The following LTBP1 variants were observed in gnomAD, a reference collection of about 807,000 sequenced individuals.
LTBP1 encodes the protein latent-transforming growth factor beta-binding protein 1.
LTBP1 carries 129 observed loss-of-function variants against 207.6 expected under a neutral mutation model. The observed-to-expected ratio is 0.62, with a 90% CI of 0.54 to 0.72. The LOEUF is 0.72. LTBP1 is among the 30% of genes least tolerant of loss of function. LTBP1 has a pLI of 0.00. For missense variants in LTBP1, 2,281 were observed against 2,217.2 expected, an observed-to-expected ratio of 1.03 and a Z score of -0.58; for synonymous variants, 963 against 833.7, an observed-to-expected ratio of 1.16 and a Z score of -2.67.
At chr2:33,096,729 G>T (rs1456990591) in intron 3 of LTBP1, among the ~76,000 whole-genome samples, 2 of 152,202 alleles carry the variant, frequency 1.3e-5, no homozygotes, top group Non-Finnish European at 2.9e-5. Context: ...GGTGATGGGT[G>T]TAGGTAGATC....
chr2:33,378,183 ATATG>A lies in LTBP1; in HGVS notation c.4712-10999_4712-10996del, dbSNP rs1272924173. On this transcript the variant is annotated intron_variant, in intron 31 of 33. Coordinates refer to ENST00000404816, the MANE Select transcript of LTBP1 (RefSeq NM_206943.4). ...GAACATTTTACTTTCATATATATAT[ATATG>A]TGTGTGTGTGTGTGTGTGTGTGTGT... Among the ~76,000 whole-genome samples, 1,259 of 136,380 alleles carry A rather than the reference ATATG, an allele frequency of 9.2e-3. 11 individuals carry two copies. The highest frequency in any genetic ancestry group is 0.03 in the African/African-American group (1,030 of 33,836). The allele number at this position is 136,380 out of a possible 152,430, so 89.5% of individuals were successfully genotyped here. A position where few individuals can be genotyped will look rare whatever the true frequency, so the allele number is the denominator to read the frequency against.
At chr2:33,160,871 T>C (rs1260291227) in intron 5 of LTBP1, among the ~76,000 whole-genome samples, 3 of 152,198 alleles carry the variant, frequency 2.0e-5, no homozygotes. Flanking sequence ...TAATAATTTT[T>C]GTTAGAGGAG....
intron 15 of LTBP1, among the ~76,000 whole-genome samples, chr2:33,269,574 C>T (rs2093269230): frequency 6.6e-6 from 1 of 152,178 alleles, no homozygotes; most frequent in Non-Finnish European, 1.5e-5. Flanking sequence ...ATACCCCTGA[C>T]ACAAGAAATG....
chr2:33,301,961 C>G (rs984928092), intron 22 of LTBP1, among the ~76,000 whole-genome samples: 2 of 152,220 alleles, frequency 1.3e-5, no homozygotes, highest in African/African-American at 4.8e-5. Flanking sequence ...TTATGCAGAA[C>G]CAACTTCTAA....
chr2:33,179,988 T>C (rs1272486993), intron 5 of LTBP1, among the ~76,000 whole-genome samples: 1 of 152,164 alleles, frequency 6.6e-6, no homozygotes, highest in Non-Finnish European at 1.5e-5. Context: ...CCACATCAGC[T>C]CCCTCTCAGT....
intron 5 of LTBP1, among the ~76,000 whole-genome samples, chr2:33,151,028 C>A (rs998011744): frequency 1.3e-5 from 2 of 152,122 alleles, no homozygotes; most frequent in African/African-American, 4.8e-5. Flanking sequence ...GCGTGAACCA[C>A]CACACCTGGT....
At chr2:33,365,871 T>C (rs2094980579) in intron 31 of LTBP1, among the ~76,000 whole-genome samples, 1 of 152,196 alleles carries the variant, frequency 6.6e-6, no homozygotes, top group South Asian at 2.1e-4. Context: ...GACCAAAATG[T>C]GTATTAGAGA....
At chr2:33,182,719 C>G (rs1472265380) in intron 5 of LTBP1, among the ~76,000 whole-genome samples, 1 of 76,424 alleles carries the variant, frequency 1.3e-5, no homozygotes, top group African/African-American at 5.0e-5. Flanking sequence ...CACACACACA[C>G]ACACACACAC....
chr2:32,966,610 A>G (rs1159625644), intron 2 of LTBP1, among the ~76,000 whole-genome samples: 1 of 152,048 alleles, frequency 6.6e-6, no homozygotes, highest in Non-Finnish European at 1.5e-5. Context: ...GATTTTGTGA[A>G]ATGCTTTTTC....
chr2:33,033,690 C>CT (rs1156935710), intron 3 of LTBP1, among the ~76,000 whole-genome samples: 2 of 151,012 alleles, frequency 1.3e-5, no homozygotes, highest in South Asian at 2.1e-4. Flanking sequence ...GCTGGATGGA[C>CT]TTTCTTTTGT....
intron 2 of LTBP1, among the ~76,000 whole-genome samples, chr2:32,955,363 T>C (rs1052690030): frequency 3.3e-5 from 5 of 152,360 alleles, no homozygotes; most frequent in African/African-American, 9.6e-5. Flanking sequence ...TTGAAGTATA[T>C]ATGTGTATTT....
chr2:33,175,058 A>T (rs1293796519), intron 5 of LTBP1, among the ~76,000 whole-genome samples: 1 of 152,204 alleles, frequency 6.6e-6, no homozygotes, highest in Admixed American at 6.5e-5. Context: ...GAAACCCTAG[A>T]AGAAAACCTA....
chr2:33,157,447 G>A (rs1283025560), intron 5 of LTBP1, among the ~76,000 whole-genome samples: 3 of 152,192 alleles, frequency 2.0e-5, no homozygotes, highest in African/African-American at 7.2e-5. Context: ...AAGTGAATGG[G>A]AAGCCCTTAG....
intron 3 of LTBP1, among the ~76,000 whole-genome samples, chr2:33,104,436 C>G (rs1558641915): frequency 6.6e-6 from 1 of 152,206 alleles, no homozygotes; most frequent in Admixed American, 6.5e-5. Context: ...ATTGATTTCT[C>G]TGGCCCTTGT....
intron 3 of LTBP1, among the ~76,000 whole-genome samples, chr2:33,037,397 A>T (rs1167137230): frequency 2.6e-5 from 4 of 152,072 alleles, no homozygotes; most frequent in Non-Finnish European, 5.9e-5. Context: ...CTAGTTTATT[A>T]ATCTGCTATT....
intron 24 of LTBP1, among the ~76,000 whole-genome samples, chr2:33,320,276 C>T (rs1294536069): frequency 6.6e-6 from 1 of 151,432 alleles, no homozygotes; most frequent in Non-Finnish European, 1.5e-5. Flanking sequence ...AGCTGATGCA[C>T]GTGAATTGCT....
chr2:33,268,028 C>G (rs1356947221), intron 15 of LTBP1, among the ~76,000 whole-genome samples: 1 of 152,166 alleles, frequency 6.6e-6, no homozygotes, highest in Non-Finnish European at 1.5e-5. Flanking sequence ...TTTCATGCAA[C>G]AGTTGTAGGT....
intron 5 of LTBP1, among the ~76,000 whole-genome samples, chr2:33,145,411 A>G (rs902640776): frequency 1.3e-5 from 2 of 152,220 alleles, no homozygotes; most frequent in Non-Finnish European, 2.9e-5. Flanking sequence ...CCCAATTTTC[A>G]TCAGATTCTC....
intron 24 of LTBP1, among the ~76,000 whole-genome samples, chr2:33,329,258 A>G (rs558497808): frequency 1.3e-5 from 2 of 152,272 alleles, no homozygotes; most frequent in African/African-American, 2.4e-5. Flanking sequence ...TTGTGAAGAT[A>G]TATCTTTAAC....
Sources: allele counts gnomAD v4.1 joint callset (sites outside exome capture counted in the v4.1 genomes callset), GRCh38; gene constraint gnomAD v4.1.1; transcripts MANE v1.5; gene names NCBI Gene and HGNC (gene_info 2026-07-23, HGNC 2026-07-21).